The following CDK1 variants were observed in gnomAD, a reference collection of about 807,000 sequenced individuals.
CDK1 encodes cyclin-dependent kinase 1.
A neutral mutation model predicts 34.6 loss-of-function variants in CDK1; 5 were observed. The ratio of observed to expected loss-of-function variants is 0.14; its 90% CI spans 0.08 to 0.30. CDK1 has a LOEUF of 0.30. Ranked by LOEUF, CDK1 falls within the 10% of genes least tolerant of loss-of-function variation. The pLI, the probability that CDK1 is intolerant of heterozygous loss-of-function variation, is 1.00. For synonymous variants in CDK1, 108 were observed against 114.7 expected (o/e 0.94, Z 0.37); for missense variants, 157 against 345.7 (o/e 0.45, Z 4.33).
chr10:60,787,196 T>TACA (rs1252014485), intron 4 of CDK1: 4 of 330,896 alleles, frequency 1.2e-5, no homozygotes, highest in African/African-American at 6.7e-5. Context: ...CATTTACCCA[T>TACA]ACAACCATTC....
At chr10:60,786,723 C>A in intron 4 of CDK1, 1 of 317,254 alleles carries the variant, frequency 3.2e-6, no homozygotes, top group Non-Finnish European at 4.6e-6. Context: ...ATTGCCAAAA[C>A]TTGGTTTTAT....
Position 60,794,712 on chromosome 10 carries a change from G to C in CDK1, c.*737G>C, listed in dbSNP as rs1451775893. 1 of 152,108 alleles carries C rather than the reference G, an allele frequency of 6.6e-6. No individual in the cohort carries two copies. The highest frequency in any genetic ancestry group is 1.5e-5 in the Non-Finnish European group (1 of 67,978). The allele number at this position is 152,108 out of a possible 1,614,324, so 9.4% of individuals were successfully genotyped here. On this transcript the variant is annotated 3_prime_UTR_variant, in exon 8 of 8. Coordinates refer to ENST00000395284, the MANE Select transcript of CDK1 (RefSeq NM_001786.5). Reference sequence around the variant, plus strand: ...TGCCTTGGTCAGAGTAATAACTGAAGGAGTTGCTTATCTTGGCTTTCGAGT... The same window carrying C: ...TGCCTTGGTCAGAGTAATAACTGAACGAGTTGCTTATCTTGGCTTTCGAGT...
At position 60,792,009 on chromosome 10, in the gene CDK1, T is replaced by G; in HGVS notation, c.609T>G (p.Leu203=). 6.2e-7 allele frequency: 1 copy of G among 1,613,028 alleles called. No homozygotes were observed. The change falls in exon 6 of 8, where the codon CTT becomes CTG. Residue 203 remains leucine (L), a synonymous_variant. Transcript: ENST00000395284. ...CTGAACTAGCAACTAAGAAACCACTTTTCCATGGGGATTCAGAAATTGATC... is the reference window on the plus strand; with the variant it reads ...CTGAACTAGCAACTAAGAAACCACTGTTCCATGGGGATTCAGAAATTGATC... ...IFAELATKKP[L]FHGDSEIDQL...
chr10:60,781,934 C>A (rs1177814426), intron 2 of CDK1, among the ~76,000 whole-genome samples: 1 of 152,190 alleles, frequency 6.6e-6, no homozygotes, highest in Non-Finnish European at 1.5e-5. Flanking sequence ...GTTTGCTCTT[C>A]TGAACACTGT....
At chr10:60,788,002 A>G in intron 4 of CDK1, 58 bp from the exon 5 acceptor site, 2 of 875,464 alleles carry the variant, frequency 2.3e-6, no homozygotes, top group Non-Finnish European at 3.3e-6. Flanking sequence ...TTTGAAACAG[A>G]TTATTTAGAA....
intron 5 of CDK1, among the ~76,000 whole-genome samples, chr10:60,788,597 C>T (rs1020290212): frequency 6.6e-6 from 1 of 151,980 alleles, no homozygotes; most frequent in Admixed American, 6.6e-5. Context: ...TTCAAATCAC[C>T]ACCTTGGTTT....
intron 7 of CDK1, among the ~76,000 whole-genome samples, chr10:60,793,380 A>T (rs2080374700): frequency 6.6e-6 from 1 of 152,116 alleles, no homozygotes; most frequent in Admixed American, 6.6e-5. Flanking sequence ...GTAAACTAAC[A>T]TACTAAGTTG....
Position 60,785,740 on chromosome 10 carries a change from T to C in CDK1, c.271T>C (p.Leu91=), listed in dbSNP as rs147689519. The change falls in exon 4 of 8, where the codon TTG becomes CTG. Residue 91 remains leucine (L), a synonymous_variant. Coordinates refer to ENST00000395284, the MANE Select transcript of CDK1 (RefSeq NM_001786.5). ...TCTTTCCATGGATCTGAAGAAATAC[T>C]TGGATTCTATCCCTCCTGGTCAGTA... ...EFLSMDLKKY[L]DSIPPGQYMD... 5.0e-6 allele frequency: 8 copies of C among 1,607,352 alleles called. No individual in the cohort carries two copies. The highest frequency in any genetic ancestry group is 2.7e-5 in the African/African-American group (2 of 74,792).
intron 5 of CDK1, among the ~76,000 whole-genome samples, chr10:60,791,622 A>G (rs556152362): frequency 6.6e-6 from 1 of 152,174 alleles, no homozygotes; most frequent in Non-Finnish European, 1.5e-5. Flanking sequence ...AGTGGGGGGA[A>G]GATAAGGCTG....
At chr10:60,789,210 A>G (rs1490320364) in intron 5 of CDK1, among the ~76,000 whole-genome samples, 1 of 152,184 alleles carries the variant, frequency 6.6e-6, no homozygotes, top group Non-Finnish European at 1.5e-5. Context: ...TAGCATATCC[A>G]TTGCCCCAAG....
intron 5 of CDK1, among the ~76,000 whole-genome samples, chr10:60,789,794 G>A (rs1220781770): frequency 2.0e-5 from 3 of 152,168 alleles, no homozygotes; most frequent in Non-Finnish European, 2.9e-5. Flanking sequence ...TTATATGGTA[G>A]TTCTAGTTTG....
Position 60,793,270 on chromosome 10 carries a change from A to G in CDK1, c.796-607A>G, listed in dbSNP as rs368433271. Among the ~76,000 whole-genome samples, 27 of 152,242 alleles carry G rather than the reference A, an allele frequency of 1.8e-4. No individual in the cohort carries two copies. In the East Asian group the frequency reaches 4.4e-3, roughly 25 times the overall value. ...AGAGTTCAGATGGTAACTAGTTAGT[A>G]AAAAATCTCTAGTGTGCTTGTTGAT... is the stretch of plus-strand genomic sequence containing the variant. On this transcript the variant is annotated intron_variant, in intron 7 of 7. Coordinates refer to ENST00000395284, the MANE Select transcript of CDK1 (RefSeq NM_001786.5).
intron 5 of CDK1, among the ~76,000 whole-genome samples, chr10:60,790,659 A>G (rs1260851968): frequency 1.3e-5 from 2 of 152,116 alleles, no homozygotes; most frequent in Non-Finnish European, 2.9e-5. Flanking sequence ...CAATAGTTTC[A>G]TAGTTTAAGG....
chr10:60,788,819 T>TTGTCTACCCTTGACCCAAAGAC (rs1352123111), intron 5 of CDK1, among the ~76,000 whole-genome samples: 1 of 152,098 alleles, frequency 6.6e-6, no homozygotes. Flanking sequence ...TTCTGTGGAG[T>TTGTCTACCCTTGACCCAAAGAC]TGTCTACCCT....
At chr10:60,781,724 C>G (rs1340816959) in intron 2 of CDK1, among the ~76,000 whole-genome samples, 1 of 152,124 alleles carries the variant, frequency 6.6e-6, no homozygotes, top group African/African-American at 2.4e-5. Context: ...TTCTTTCTAC[C>G]TGGAGGCCAG....
At chr10:60,783,777 C>T (rs2080292271) in intron 2 of CDK1, among the ~76,000 whole-genome samples, 1 of 152,140 alleles carries the variant, frequency 6.6e-6, no homozygotes, top group Non-Finnish European at 1.5e-5. Flanking sequence ...GATATTGTTG[C>T]TCATTACCTG....
In CDK1 at chr10:60,792,141, T is replaced by C. The variant is rs1056664433; in HGVS notation, c.654-7T>C. On this transcript the variant is annotated splice_polypyrimidine_tract_variant and splice_region_variant and intron_variant, in intron 6 of 7. Coordinates refer to ENST00000395284, the MANE Select transcript of CDK1 (RefSeq NM_001786.5). ...CTTTAAGAAATTTTTAATTTCCTGT[T>C]TTTTAGAGCTTTGGGCACTCCCAAT... 8.7e-6 allele frequency: 14 copies of C among 1,602,770 alleles called. No homozygotes were observed. The highest frequency in any genetic ancestry group is 1.4e-5 in the African/African-American group (1 of 73,940).
chr10:60,789,128 A>G (rs1315722996), intron 5 of CDK1, among the ~76,000 whole-genome samples: 1 of 152,098 alleles, frequency 6.6e-6, no homozygotes, highest in Admixed American at 6.6e-5. Flanking sequence ...ACGCATTATT[A>G]TACATATTTA....
At chr10:60,781,056 A>C (rs1033137132) in intron 2 of CDK1, among the ~76,000 whole-genome samples, 5 of 68,580 alleles carry the variant, frequency 7.3e-5, no homozygotes, top group African/African-American at 2.1e-4. Context: ...ATATATATAT[A>C]TATTTTTTTT....
Sources: gnomAD v4.1 joint callset for allele counts (sites outside exome capture counted in the v4.1 genomes callset) on GRCh38, gnomAD v4.1.1 for gene constraint, MANE v1.5 for transcripts, NCBI Gene and HGNC (gene_info 2026-07-23, HGNC 2026-07-21) for gene names.